KCNMB2: variants seen among roughly 807,000 people sequenced by gnomAD.
KCNMB2 encodes potassium calcium-activated channel subfamily M regulatory beta subunit 2.
In KCNMB2, 9 loss-of-function variants were observed where a neutral mutation model predicts 24.5. The observed-to-expected ratio is 0.37, with a 90% CI of 0.22 to 0.64. The LOEUF is 0.64. Ranked by LOEUF, KCNMB2 falls within the 30% of genes least tolerant of loss-of-function variation. KCNMB2 has a pLI of 0.63. For synonymous variants in KCNMB2, 109 were observed against 104.4 expected (o/e 1.04, Z -0.27); for missense variants, 226 against 284.3 (o/e 0.79, Z 1.47).
At chr3:178,606,656 TAAG>T (rs1343412482) in intron 1 of KCNMB2, among the ~76,000 whole-genome samples, 1 of 152,078 alleles carries the variant, frequency 6.6e-6, no homozygotes, top group Non-Finnish European at 1.5e-5. Flanking sequence ...ATTTTGCATG[TAAG>T]AAGGACATGA....
intron 1 of KCNMB2, among the ~76,000 whole-genome samples, chr3:178,707,067 T>A (rs879100381): frequency 6.6e-6 from 1 of 152,114 alleles, no homozygotes; most frequent in Non-Finnish European, 1.5e-5. Context: ...GTCTCTTTCA[T>A]TTGCAAGTGC....
intron 4 of KCNMB2, 36 bp from the exon 5 acceptor site, chr3:178,842,617 G>A (rs1245662543): frequency 7.1e-7 from 1 of 1,416,758 alleles, no homozygotes. Context: ...AACACACATA[G>A]TATCTTCTAG....
intron 1 of KCNMB2, among the ~76,000 whole-genome samples, chr3:178,659,863 A>C (rs1489463944): frequency 1.3e-5 from 2 of 152,192 alleles, no homozygotes; most frequent in African/African-American, 4.8e-5. Flanking sequence ...ATTATTATCC[A>C]ATCTGCAGTC....
At chr3:178,789,572 C>A (rs74473175) in intron 1 of KCNMB2, among the ~76,000 whole-genome samples, 2 of 152,306 alleles carry the variant, frequency 1.3e-5, no homozygotes, top group African/African-American at 4.8e-5. Flanking sequence ...AGCTGCATGG[C>A]ACAGAAAAAG....
chr3:178,604,202 G>A (rs1359368558), intron 1 of KCNMB2, among the ~76,000 whole-genome samples: 3 of 152,176 alleles, frequency 2.0e-5, no homozygotes, highest in Non-Finnish European at 4.4e-5. Context: ...CTGTTTGCAG[G>A]TGAGAAAGGA....
At position 178,772,267 on chromosome 3, in the gene KCNMB2, A is replaced by T. The variant is rs373832298; in HGVS notation, c.-67-35076A>T. Among the ~76,000 whole-genome samples the T allele has an allele frequency of 3.5e-4, 53 of 152,268 alleles. 1 individual carries two copies. In the South Asian group the frequency reaches 0.011, roughly 31 times the overall value. ...CTTTTATGTAGGTAGAAAATGGTCA[A>T]ATGTCTATAATTTCATTTTGTTTAA... is the stretch of plus-strand genomic sequence containing the variant. On this transcript the variant is annotated intron_variant, in intron 1 of 4. Transcript: ENST00000452583.
At chr3:178,806,644 C>T (rs577413048) in intron 1 of KCNMB2, among the ~76,000 whole-genome samples, 1 of 151,340 alleles carries the variant, frequency 6.6e-6, no homozygotes, top group African/African-American at 2.4e-5. Context: ...ACTTTTAGTG[C>T]TGTGCTTAGA....
chr3:178,594,113 A>T (rs1055050995), intron 1 of KCNMB2, among the ~76,000 whole-genome samples: 8 of 151,866 alleles, frequency 5.3e-5, no homozygotes, highest in African/African-American at 1.5e-4. Flanking sequence ...CTGAGGCAAG[A>T]GTAAAGTGAG....
intron 1 of KCNMB2, among the ~76,000 whole-genome samples, chr3:178,803,555 G>A (rs1560027961): frequency 6.6e-6 from 1 of 152,182 alleles, no homozygotes; most frequent in Non-Finnish European, 1.5e-5. Context: ...CAGCCAGTGT[G>A]TTACTATGTG....
intron 1 of KCNMB2, among the ~76,000 whole-genome samples, chr3:178,555,105 G>A (rs1458492684): frequency 5.7e-5 from 3 of 52,216 alleles, no homozygotes; most frequent in Non-Finnish European, 9.6e-5. Flanking sequence ...TTAGAAGAGT[G>A]TCCTCTCACA....
At position 178,602,563 on chromosome 3, in the gene KCNMB2, G is replaced by A. The variant is rs1438050564; in HGVS notation, c.-68+65852G>A. On this transcript the variant is annotated intron_variant, in intron 1 of 4. Transcript: ENST00000452583. ...CCTACTACAGCTCTGGGTACTGGGA[G>A]GTTCGGGGGTGGGGGGGAGGAGTGA... 4.0e-5 allele frequency among the ~76,000 whole-genome samples: 6 copies of A among 148,886 alleles called. No individual in the cohort carries two copies. In the East Asian group the frequency reaches 5.9e-4, roughly 15 times the overall value.
chr3:178,734,033 A>G (rs1167262567), intron 1 of KCNMB2, among the ~76,000 whole-genome samples: 1 of 152,134 alleles, frequency 6.6e-6, no homozygotes, highest in East Asian at 1.9e-4. Context: ...GAAGGATCAA[A>G]ATTCTGTAGC....
chr3:178,635,408 T>C (rs969289853), intron 1 of KCNMB2, among the ~76,000 whole-genome samples: 9 of 144,880 alleles, frequency 6.2e-5, no homozygotes, highest in Non-Finnish European at 1.4e-4. Flanking sequence ...TGCTTATGCA[T>C]ACACACACAC....
At chr3:178,766,789 T>C (rs73183322) in intron 1 of KCNMB2, among the ~76,000 whole-genome samples, 1 of 152,244 alleles carries the variant, frequency 6.6e-6, no homozygotes, top group Admixed American at 6.5e-5. Flanking sequence ...AGTATCATGA[T>C]GTTGATATAA....
rs546414615 is a variant in KCNMB2, at chr3:178,842,948, G to A, written c.*11G>A. 1 of 1,584,190 alleles carries A rather than the reference G, an allele frequency of 6.3e-7. No individual in the cohort carries two copies. Among genetic ancestry groups the A allele is most frequent in the Admixed American group, 1.8e-5 (1 of 54,510 alleles). On this transcript the variant is annotated 3_prime_UTR_variant, in exon 5 of 5. Coordinates refer to ENST00000452583, the MANE Select transcript of KCNMB2 (RefSeq NM_181361.3). ...CGGATCAATAGATAAATGCAAAAAT[G>A]GATAAAATAATTTTTGTTAAAGCTC...
chr3:178,604,284 T>C (rs1186139141), intron 1 of KCNMB2, among the ~76,000 whole-genome samples: 2 of 151,994 alleles, frequency 1.3e-5, no homozygotes, highest in Non-Finnish European at 2.9e-5. Context: ...CAAAGTCAGA[T>C]ATGATCAAGA....
intron 1 of KCNMB2, among the ~76,000 whole-genome samples, chr3:178,581,539 C>T (rs546813562): frequency 1.3e-5 from 2 of 152,262 alleles, no homozygotes; most frequent in African/African-American, 2.4e-5. Flanking sequence ...AACTAAAGAG[C>T]TTCTGCACAG....
intron 1 of KCNMB2, among the ~76,000 whole-genome samples, chr3:178,625,259 CAG>C (rs1264273325): frequency 2.0e-5 from 3 of 152,024 alleles, no homozygotes; most frequent in South Asian, 4.1e-4. Flanking sequence ...AAGGAAAAGG[CAG>C]AGAGAGGCAG....
At chr3:178,609,947 T>A (rs1718422223) in intron 1 of KCNMB2, among the ~76,000 whole-genome samples, 1 of 152,138 alleles carries the variant, frequency 6.6e-6, no homozygotes, top group African/African-American at 2.4e-5. Context: ...CTGGTTTGAT[T>A]TTTCTGTATG....
Sources: gnomAD v4.1 joint callset for allele counts (sites outside exome capture counted in the v4.1 genomes callset) on GRCh38, gnomAD v4.1.1 for gene constraint, MANE v1.5 for transcripts, NCBI Gene and HGNC (gene_info 2026-07-23, HGNC 2026-07-21) for gene names.